Variants in CCDC93 observed in about 807,000 individuals in gnomAD.
CCDC93 encodes coiled-coil domain-containing protein 93.
Under a neutral mutation model 108.2 loss-of-function variants are expected in CCDC93, and 61 were observed. That is an observed-to-expected ratio of 0.56 (90% CI 0.46 to 0.70). The LOEUF is 0.70. Ranked by LOEUF, CCDC93 falls within the 30% of genes least tolerant of loss-of-function variation. The pLI, the probability that CCDC93 is intolerant of heterozygous loss-of-function variation, is 0.00. For missense variants in CCDC93, 685 were observed against 764.2 expected (o/e 0.90, Z 1.22); for synonymous variants, 276 against 260.4 (o/e 1.06, Z -0.58).
At chr2:117,929,634 TCTC>T (rs1573463169) in intron 23 of CCDC93, among the ~76,000 whole-genome samples, 1 of 152,238 alleles carries the variant, frequency 6.6e-6, no homozygotes, top group Admixed American at 6.5e-5. Flanking sequence ...ATGCAGTTCT[TCTC>T]CTTTTGTTAG....
chr2:117,993,422 A>G (rs1400929696), intron 6 of CCDC93, among the ~76,000 whole-genome samples: 2 of 141,422 alleles, frequency 1.4e-5, no homozygotes, highest in Non-Finnish European at 3.0e-5. Flanking sequence ...TAATGTTTGA[A>G]TGTGGCTTTT....
chr2:117,974,030 G>C (rs1465064356), intron 10 of CCDC93, 36 bp from the exon 11 acceptor site: 1 of 1,407,066 alleles, frequency 7.1e-7, no homozygotes. Context: ...TCAAGGCCAA[G>C]CCTTGTCTTC....
At chr2:118,013,298 C>T (rs1238147018) in intron 1 of CCDC93, among the ~76,000 whole-genome samples, 3 of 152,262 alleles carry the variant, frequency 2.0e-5, no homozygotes, top group South Asian at 2.1e-4. Context: ...GCCTTTCCGC[C>T]CAGAGCCGGG....
chr2:117,950,671 A>G, intron 13 of CCDC93: 1 of 985,140 alleles, frequency 1.0e-6, no homozygotes, highest in Non-Finnish European at 1.2e-6. Flanking sequence ...CTTGATAGGT[A>G]AGGAGAACCA....
At chr2:117,954,104 T>C (rs1244151404) in intron 12 of CCDC93, among the ~76,000 whole-genome samples, 1 of 152,174 alleles carries the variant, frequency 6.6e-6, no homozygotes, top group Non-Finnish European at 1.5e-5. Flanking sequence ...GACAAGGCTC[T>C]AGGAAAGGTC....
chr2:117,923,780 T>C (rs13015075), intron 23 of CCDC93, among the ~76,000 whole-genome samples: 10,338 of 152,148 alleles, frequency 0.068, 413 homozygotes, highest in Middle Eastern at 0.15. Context: ...TAGAAGAGAA[T>C]AGTGTTTCTC....
intron 16 of CCDC93, 152 bp downstream of exon 16, chr2:117,946,659 T>A (rs926173894): frequency 8.2e-6 from 5 of 611,096 alleles, no homozygotes; most frequent in African/African-American, 1.9e-5. Flanking sequence ...AAGAGATGGA[T>A]ACAAATCTAA....
At chr2:117,983,388 G>A (rs1444233115) in intron 7 of CCDC93, among the ~76,000 whole-genome samples, 1 of 152,130 alleles carries the variant, frequency 6.6e-6, no homozygotes, top group East Asian at 1.9e-4. Context: ...ATTTTCTCCT[G>A]TTAATCTGCC....
Position 117,949,384 on chromosome 2 carries a change from G to C in CCDC93, c.1080C>G (p.Tyr360Ter). ...AKKTLTELKTYSEKLDKEQAA... is the reference protein window; with the variant it reads ...AKKTLTELKT ...CTTGCTCTTTGTCCAGTTTCTCACTGTAAGTCTTCAGCTGCAAGAGAGAAT... is the reference window on the plus strand; with the variant it reads ...CTTGCTCTTTGTCCAGTTTCTCACTCTAAGTCTTCAGCTGCAAGAGAGAAT... Residue 360 changes from tyrosine (Y) to a stop codon, truncating the protein, a stop_gained, in exon 14 of 24, where the codon TAC becomes TAG. Coordinates refer to ENST00000376300, the MANE Select transcript of CCDC93 (RefSeq NM_019044.5). LOFTEE classifies it high-confidence loss of function. 6.2e-7 allele frequency: 1 copy of C among 1,612,634 alleles called. No homozygotes were observed. The highest frequency in any genetic ancestry group is 8.5e-7 in the Non-Finnish European group (1 of 1,178,654).
intron 18 of CCDC93, among the ~76,000 whole-genome samples, chr2:117,943,585 G>T (rs1678774110): frequency 6.6e-6 from 1 of 152,202 alleles, no homozygotes; most frequent in Non-Finnish European, 1.5e-5. Flanking sequence ...AGGAATTTTT[G>T]GCTTTTGAGC....
intron 23 of CCDC93, among the ~76,000 whole-genome samples, chr2:117,925,519 C>T (rs9711849): frequency 0.069 from 10,551 of 152,190 alleles, 511 homozygotes; most frequent in Admixed American, 0.11. Context: ...TCAAAAGACA[C>T]AAAGAAGGCT....
chr2:117,979,271 G>T (rs1680038521), intron 7 of CCDC93, among the ~76,000 whole-genome samples: 1 of 152,134 alleles, frequency 6.6e-6, no homozygotes, highest in African/African-American at 2.4e-5. Flanking sequence ...ACCACCAGCA[G>T]CACCTTCTGT....
chr2:117,976,011 G>A (rs1679932036), intron 8 of CCDC93, among the ~76,000 whole-genome samples: 1 of 152,050 alleles, frequency 6.6e-6, no homozygotes, highest in Admixed American at 6.5e-5. Flanking sequence ...CCACCAGCTG[G>A]GTGACCTCAG....
intron 20 of CCDC93, 109 bp downstream of exon 20, chr2:117,938,920 T>C (rs1678608672): frequency 1.6e-6 from 1 of 615,840 alleles, no homozygotes; most frequent in South Asian, 2.1e-5. Context: ...ATAGGCACTC[T>C]TTCTGCTAAT....
intron 1 of CCDC93, among the ~76,000 whole-genome samples, chr2:118,013,748 C>A (rs1001748254): frequency 6.6e-6 from 1 of 151,600 alleles, no homozygotes; most frequent in African/African-American, 2.4e-5. Flanking sequence ...TTAAGTTTGT[C>A]CTCACCCGCC....
Position 117,935,582 on chromosome 2 carries a change from G to A in CCDC93, c.1644-3C>T. 1 of 1,611,464 alleles carries A rather than the reference G, an allele frequency of 6.2e-7. No homozygotes were observed. Among genetic ancestry groups the A allele is most frequent in the South Asian group, 1.1e-5 (1 of 90,966 alleles). On this transcript the variant is annotated splice_polypyrimidine_tract_variant and splice_region_variant and intron_variant, in intron 21 of 23. Coordinates refer to ENST00000376300, the MANE Select transcript of CCDC93 (RefSeq NM_019044.5). Reference sequence around the variant, plus strand: ...GGGCAGCAGGGGAGGCCATGGCCCTGAAAGAAAAACCAGTAGAGTTATGAC... The same window carrying A: ...GGGCAGCAGGGGAGGCCATGGCCCTAAAAGAAAAACCAGTAGAGTTATGAC...
intron 3 of CCDC93, among the ~76,000 whole-genome samples, chr2:118,002,935 G>C (rs1254011974): frequency 2.6e-5 from 4 of 152,192 alleles, no homozygotes; most frequent in Non-Finnish European, 5.9e-5. Context: ...CTACTCAAAA[G>C]ACTAAGGCAG....
intron 6 of CCDC93, among the ~76,000 whole-genome samples, 159 bp from the exon 7 acceptor site, chr2:117,986,228 G>A (rs540747651): frequency 4.1e-5 from 6 of 148,112 alleles, no homozygotes; most frequent in African/African-American, 1.5e-4. Context: ...GCAGTGGCGC[G>A]ATCTCGGCTC....
chr2:117,950,312 A>C, intron 13 of CCDC93: 1 of 985,274 alleles, frequency 1.0e-6, no homozygotes, highest in South Asian at 4.7e-5. Context: ...GTTACAGAGC[A>C]AGCAAAACTA....
Sources: gnomAD v4.1 joint callset for allele counts (sites outside exome capture counted in the v4.1 genomes callset) on GRCh38, gnomAD v4.1.1 for gene constraint, MANE v1.5 for transcripts, NCBI Gene and HGNC (gene_info 2026-07-23, HGNC 2026-07-21) for gene names.